The following FSTL4 variants were observed in gnomAD, a reference collection of about 807,000 sequenced individuals.
The protein encoded by FSTL4 is follistatin-related protein 4.
FSTL4 carries 28 observed loss-of-function variants against 78.2 expected under a neutral mutation model. That is an observed-to-expected ratio of 0.36 (90% CI 0.27 to 0.49). The LOEUF is 0.49. FSTL4 is among the 20% of genes least tolerant of loss of function. FSTL4 has a pLI of 0.98. For missense variants in FSTL4, 922 were observed against 1,084.9 expected (o/e 0.85, Z 2.11); for synonymous variants, 422 against 440.5 (o/e 0.96, Z 0.53).
intron 7 of FSTL4, 34 bp downstream of exon 7, chr5:133,249,376 C>T (rs1212353197): frequency 4.4e-6 from 7 of 1,579,116 alleles, no homozygotes; most frequent in Admixed American, 1.7e-5. Context: ...CAGGGAGGTG[C>T]GCTTGAGCTC....
chr5:133,459,290 G>C (rs979673108), intron 3 of FSTL4, among the ~76,000 whole-genome samples: 2 of 151,902 alleles, frequency 1.3e-5, no homozygotes, highest in Admixed American at 6.6e-5. Context: ...CACCACCCTG[G>C]GGTCCGTGCA....
intron 3 of FSTL4, among the ~76,000 whole-genome samples, chr5:133,448,643 C>T (rs958623339): frequency 4.7e-5 from 7 of 150,496 alleles, no homozygotes; most frequent in African/African-American, 1.5e-4. Context: ...AACACACTAA[C>T]GTCCCCACTC....
At chr5:133,681,679 G>C in the FSTL4 span, among the ~76,000 whole-genome samples, 1 of 152,174 alleles carries the variant, frequency 6.6e-6, no homozygotes, top group Non-Finnish European at 1.5e-5. Context: ...CTAATCAGGA[G>C]GAATTGGACC....
intron 5 of FSTL4, among the ~76,000 whole-genome samples, chr5:133,315,184 A>G (rs562235146): frequency 6.6e-6 from 1 of 152,272 alleles, no homozygotes; most frequent in East Asian, 1.9e-4. Context: ...ACCACATGCC[A>G]GGTACCACTC....
chr5:133,220,705 G>A (rs753592417), intron 12 of FSTL4, 43 bp downstream of exon 12: 5 of 941,444 alleles, frequency 5.3e-6, no homozygotes, highest in Non-Finnish European at 8.8e-6. Context: ...TTAGGATTTT[G>A]CCTGTGTATG....
At chr5:133,465,816 C>T (rs931145067) in intron 3 of FSTL4, among the ~76,000 whole-genome samples, 1 of 152,238 alleles carries the variant, frequency 6.6e-6, no homozygotes, top group Non-Finnish European at 1.5e-5. Context: ...CCTGACAAAG[C>T]AGCATGCAAC....
chr5:133,399,530 A>G (rs25736), intron 4 of FSTL4, among the ~76,000 whole-genome samples: 70,432 of 152,052 alleles, frequency 0.46, 16,421 homozygotes, highest in South Asian at 0.51. Context: ...TAGATGTAAC[A>G]GAGGCCAACA....
intron 7 of FSTL4, among the ~76,000 whole-genome samples, chr5:133,245,640 C>G (rs1163718410): frequency 6.6e-6 from 1 of 152,188 alleles, no homozygotes; most frequent in Non-Finnish European, 1.5e-5. Context: ...TTGTTCTCTA[C>G]TCTGGTACGG....
Position 133,537,937 on chromosome 5 carries a change from G to C in FSTL4, c.160+29249C>G, listed in dbSNP as rs191916558. Among the ~76,000 whole-genome samples the C allele has an allele frequency of 1.2e-3, 189 of 151,758 alleles. 3 individuals are homozygous for C. The highest frequency in any genetic ancestry group is 1.9e-3 in the Non-Finnish European group (129 of 67,910). On this transcript the variant is annotated intron_variant, in intron 3 of 15. Coordinates refer to ENST00000265342, the MANE Select transcript of FSTL4 (RefSeq NM_015082.2). ...AACACAGTACATACATGTATTTTGG[G>C]GGGAACCATTTGAGAACAAGCTAAA...
At chr5:133,769,808 G>T in the FSTL4 span, among the ~76,000 whole-genome samples, 69 of 152,238 alleles carry the variant, frequency 4.5e-4, 1 homozygote, top group South Asian at 0.014. Context: ...CACCTGAATA[G>T]TGAACATTGT....
At chr5:133,447,104 G>A (rs1377767611) in intron 3 of FSTL4, among the ~76,000 whole-genome samples, 1 of 152,250 alleles carries the variant, frequency 6.6e-6, no homozygotes, top group Non-Finnish European at 1.5e-5. Context: ...CAGCAGAAGA[G>A]GCAGTAGGAA....
chr5:133,352,329 C>T (rs1168009955), intron 4 of FSTL4, among the ~76,000 whole-genome samples: 1 of 87,488 alleles, frequency 1.1e-5, no homozygotes, highest in Admixed American at 9.8e-5. Context: ...TATATATACA[C>T]ACATATATAT....
intron 4 of FSTL4, among the ~76,000 whole-genome samples, chr5:133,396,821 T>C (rs971311275): frequency 4.6e-5 from 7 of 152,152 alleles, no homozygotes; most frequent in Non-Finnish European, 1.0e-4. Context: ...TAGTAACAAG[T>C]AAGAAAAAAA....
the FSTL4 span, among the ~76,000 whole-genome samples, chr5:133,713,624 C>T: frequency 2.6e-5 from 4 of 152,168 alleles, no homozygotes; most frequent in African/African-American, 9.7e-5. Flanking sequence ...TCCCAGGATA[C>T]CCCCTGTTTG....
upstream of FSTL4, among the ~76,000 whole-genome samples, chr5:133,615,304 G>A (rs770034615): frequency 1.3e-5 from 2 of 152,216 alleles, no homozygotes; most frequent in East Asian, 3.8e-4. Context: ...ACGTTCTGCT[G>A]CCTGTTCAAA....
chr5:133,701,328 A>C, the FSTL4 span, among the ~76,000 whole-genome samples: 3 of 150,500 alleles, frequency 2.0e-5, no homozygotes, highest in Non-Finnish European at 4.4e-5. Context: ...ACTTGAACCC[A>C]GGAGTCGGAG....
chr5:133,719,672 TAA>T, the FSTL4 span, among the ~76,000 whole-genome samples: 35,143 of 101,796 alleles, frequency 0.35, 5,389 homozygotes, highest in African/African-American at 0.47. Flanking sequence ...AAACTCCATC[TAA>T]AAAAAAAAAA....
chr5:133,694,716 C>T, the FSTL4 span, among the ~76,000 whole-genome samples: 1 of 152,216 alleles, frequency 6.6e-6, no homozygotes, highest in Non-Finnish European at 1.5e-5. Context: ...GTGGCTTAAA[C>T]CACAGAAATT....
chr5:133,503,724 A>G (rs1758547854), intron 3 of FSTL4, among the ~76,000 whole-genome samples: 1 of 152,210 alleles, frequency 6.6e-6, no homozygotes, highest in African/African-American at 2.4e-5. Context: ...GATGCATTCC[A>G]GCCCAACATA....
Sources: gnomAD v4.1 joint callset for allele counts (sites outside exome capture counted in the v4.1 genomes callset) on GRCh38, gnomAD v4.1.1 for gene constraint, MANE v1.5 for transcripts, NCBI Gene and HGNC (gene_info 2026-07-23, HGNC 2026-07-21) for gene names.